The following PXK variants were observed in gnomAD, a reference collection of about 807,000 sequenced individuals.
PXK encodes PX domain-containing protein kinase-like protein.
Under a neutral mutation model 84.7 loss-of-function variants are expected in PXK, and 35 were observed. The ratio of observed to expected loss-of-function variants is 0.41; its 90% confidence interval spans 0.32 to 0.55. The LOEUF (loss-of-function observed/expected upper bound fraction) is 0.55. Ranked by LOEUF, PXK falls within the 20% of genes least tolerant of loss-of-function variation. PXK has a pLI of 0.21. For missense variants in PXK, 634 were observed against 699.7 expected (o/e 0.91, Z 1.06); for synonymous variants, 253 against 260.8 (o/e 0.97, Z 0.29).
chr3:58,423,371 T>A, intron 17 of PXK: 1 of 1,484,488 alleles, frequency 6.7e-7, no homozygotes, highest in Non-Finnish European at 9.1e-7. Flanking sequence ...GTCATTTGTC[T>A]GTATTTAGTC....
Position 58,333,763 on chromosome 3 carries a change from G to C in PXK, c.102+673G>C. 1 of 402,794 alleles carries C rather than the reference G, an allele frequency of 2.5e-6. No homozygotes were observed. Among genetic ancestry groups the C allele is most frequent in the Non-Finnish European group, 5.0e-6 (1 of 199,102 alleles). The allele number at this position is 402,794 out of a possible 1,614,324, so 25.0% of individuals were successfully genotyped here. On this transcript the variant is annotated intron_variant, in intron 1 of 17. Coordinates refer to ENST00000356151, the MANE Select transcript of PXK (RefSeq NM_017771.5). The surrounding 1 kb of genome is among the most constrained non-coding windows in gnomAD (Gnocchi z 5.4). ...TCATTTGAGTTTAAAATCCACTCGA[G>C]TAGCATAAAGGAGTAATAGGTCCTC...
At chr3:58,334,926 A>G (rs79984243) in intron 1 of PXK, among the ~76,000 whole-genome samples, 4 of 116,118 alleles carry the variant, frequency 3.4e-5, no homozygotes, top group South Asian at 2.5e-4. Flanking sequence ...TTTTATTGTA[A>G]GGGTGTGTGT....
At chr3:58,356,486 C>T (rs1025522233) in intron 1 of PXK, among the ~76,000 whole-genome samples, 1 of 148,018 alleles carries the variant, frequency 6.8e-6, no homozygotes, top group Non-Finnish European at 1.5e-5. Context: ...GCTGCTGACT[C>T]CAGCTCAGGA....
chr3:58,397,732 G>A lies in PXK; in HGVS notation c.1102+10G>A. On this transcript the variant is annotated intron_variant, in intron 11 of 17. Coordinates refer to ENST00000356151, the MANE Select transcript of PXK (RefSeq NM_017771.5). The surrounding 1 kb of genome is among the most constrained non-coding windows in gnomAD (Gnocchi z 4.7). ...CCGTCCATGGCTGTGGGTCAGTATG[G>A]GGTTGGGAAGGGTCTTCTGGGCCCT... The A allele has an allele frequency of 6.3e-7, 1 of 1,593,060 alleles. No individual in the cohort carries two copies. Among genetic ancestry groups the A allele is most frequent in the Middle Eastern group, 1.7e-4 (1 of 5,982 alleles).
At chr3:58,363,803 C>T (rs1559932316) in intron 1 of PXK, among the ~76,000 whole-genome samples, 1 of 152,186 alleles carries the variant, frequency 6.6e-6, no homozygotes, top group Non-Finnish European at 1.5e-5. Context: ...GGAGAACACA[C>T]TGCCTTGCCT....
At position 58,364,154 on chromosome 3, in the gene PXK, G is replaced by C. The variant is rs1472595705; in HGVS notation, c.103-1720G>C. The stretch of plus-strand genomic sequence containing the variant: ...TTCAATTTACTAATATTTTGGTAAG[G>C]ATTTTTGAGCCTATGTTTGTGAATG... On this transcript the variant is annotated intron_variant, in intron 1 of 17. Coordinates refer to ENST00000356151, the MANE Select transcript of PXK (RefSeq NM_017771.5). The surrounding 1 kb of genome is among the most constrained non-coding windows in gnomAD (Gnocchi z 4.3). Among the ~76,000 whole-genome samples the C allele has an allele frequency of 3.3e-5, 5 of 152,138 alleles. No individual in the cohort carries two copies. The highest frequency in any genetic ancestry group is 1.2e-4 in the African/African-American group (5 of 41,420).
chr3:58,367,464 C>T (rs1377704243), intron 2 of PXK, among the ~76,000 whole-genome samples: 1 of 152,066 alleles, frequency 6.6e-6, no homozygotes, highest in Non-Finnish European at 1.5e-5. Context: ...CCAGGATGTT[C>T]TCGATGTCCT....
At chr3:58,422,321 C>T (rs2062015510) in intron 17 of PXK, 23 of 985,238 alleles carry the variant, frequency 2.3e-5, no homozygotes, top group South Asian at 4.7e-5. Flanking sequence ...GCCTTCCTTG[C>T]CCTGGTTGTA....
intron 1 of PXK, among the ~76,000 whole-genome samples, chr3:58,350,951 C>G (rs2097911149): frequency 6.6e-6 from 1 of 152,116 alleles, no homozygotes; most frequent in Admixed American, 6.6e-5. Flanking sequence ...GGACTTCTAG[C>G]TTGACTTCAG....
intron 17 of PXK, among the ~76,000 whole-genome samples, chr3:58,417,533 T>C (rs1258915001): frequency 1.3e-5 from 2 of 152,086 alleles, no homozygotes; most frequent in African/African-American, 4.8e-5. Context: ...ATGGGAGAAA[T>C]ATCCTTTCTT....
In PXK at chr3:58,390,631, GGA is replaced by G; in HGVS notation, c.440_441del (p.Glu147GlyfsTer22). ...TGTTCTTCCGATCAGAACCAAAGTG[GGA>G]GGTGGTGGAACCTTTGAAAGACATA... ...SMFFRSEPKWEVVEPLKDIGW... is the reference protein window; with the variant it reads ...SMFFRSEPKWXVVEPLKDIGW... On this transcript the variant is annotated frameshift_variant, in exon 5 of 18. Coordinates refer to ENST00000356151, the MANE Select transcript of PXK (RefSeq NM_017771.5). LOFTEE classifies it high-confidence loss of function. The surrounding 1 kb of genome is among the most constrained non-coding windows in gnomAD (Gnocchi z 4.2). The G allele has an allele frequency of 6.2e-7, 1 of 1,612,928 alleles. No homozygotes were observed. The highest frequency in any genetic ancestry group is 8.5e-7 in the Non-Finnish European group (1 of 1,179,274).
At chr3:58,374,239 G>A (rs1220856043) in intron 3 of PXK, among the ~76,000 whole-genome samples, 4 of 147,938 alleles carry the variant, frequency 2.7e-5, no homozygotes, top group Admixed American at 6.8e-5. Flanking sequence ...AGCCGAGATC[G>A]TGCTCACTGC....
chr3:58,422,378 C>G, intron 17 of PXK: 1 of 985,372 alleles, frequency 1.0e-6, no homozygotes, highest in South Asian at 4.7e-5. Flanking sequence ...GAAAAGTGGA[C>G]TTGCTGGGAC....
intron 4 of PXK, among the ~76,000 whole-genome samples, chr3:58,388,315 C>T (rs2098583979): frequency 6.6e-6 from 1 of 152,182 alleles, no homozygotes; most frequent in South Asian, 2.1e-4. Flanking sequence ...ATGTATGGCA[C>T]ATAGTAGCAT....
At chr3:58,340,899 G>T (rs749809465) in intron 1 of PXK, among the ~76,000 whole-genome samples, 12 of 152,084 alleles carry the variant, frequency 7.9e-5, no homozygotes, top group Non-Finnish European at 1.5e-4. Context: ...GAGAAAGGGG[G>T]AAATGGATCC....
At position 58,407,452 on chromosome 3, in the gene PXK, C is replaced by G. The variant is rs1478594136; in HGVS notation, c.1231-1472C>G. ...TCCTTTATATATTCTGGATATTAAC[C>G]CCTTATCAGACCTATGATTTGCAAA... is the stretch of plus-strand genomic sequence containing the variant. On this transcript the variant is annotated intron_variant, in intron 13 of 17. Coordinates refer to ENST00000356151, the MANE Select transcript of PXK (RefSeq NM_017771.5). The surrounding 1 kb of genome is among the most constrained non-coding windows in gnomAD (Gnocchi z 4.3). 6.6e-6 allele frequency among the ~76,000 whole-genome samples: 1 copy of G among 151,950 alleles called. No homozygotes were observed. Among genetic ancestry groups the G allele is most frequent in the Admixed American group, 6.6e-5 (1 of 15,256 alleles).
chr3:58,394,126 T>C (rs2098657998), intron 7 of PXK, among the ~76,000 whole-genome samples: 1 of 152,158 alleles, frequency 6.6e-6, no homozygotes, highest in Admixed American at 6.5e-5. Context: ...AACTTCATGA[T>C]CAATTACTCT....
chr3:58,368,667 T>C (rs926751057), intron 2 of PXK, among the ~76,000 whole-genome samples: 6 of 152,184 alleles, frequency 3.9e-5, no homozygotes, highest in African/African-American at 1.4e-4. Context: ...GTACTTAGCA[T>C]GCCAAAGTAC....
rs921940152 is a variant in PXK, at chr3:58,370,944, G to A, written c.201+1466G>A. ...ACCCAGGAGGGGGAGGTTGCAGTGA[G>A]CCAAGAATGCACCACGTTGCACTGC... On this transcript the variant is annotated intron_variant, in intron 3 of 17. Transcript: ENST00000356151. This position sits in a 1 kb window ranked among gnomAD's most constrained non-coding sequence, Gnocchi z 4.2. Among the ~76,000 whole-genome samples the A allele has an allele frequency of 6.6e-6, 1 of 152,222 alleles. No individual in the cohort carries two copies. Among genetic ancestry groups the A allele is most frequent in the Non-Finnish European group, 1.5e-5 (1 of 68,050 alleles).
Sources: allele counts gnomAD v4.1 joint callset (sites outside exome capture counted in the v4.1 genomes callset), GRCh38; gene constraint gnomAD v4.1.1; non-coding constraint Gnocchi (gnomAD v3.1); transcripts MANE v1.5; gene names NCBI Gene and HGNC (gene_info 2026-07-23, HGNC 2026-07-21).